The following ELL variants were observed in gnomAD, a reference collection of about 807,000 sequenced individuals.
ELL encodes the protein RNA polymerase II elongation factor ELL.
In ELL, 18 loss-of-function variants were observed where a neutral mutation model predicts 64.0. That is an observed-to-expected ratio of 0.28 (90% CI 0.19 to 0.42). The LOEUF is 0.42. ELL is among the 10% of genes least tolerant of loss of function. The probability of loss-of-function intolerance (pLI) is 1.00; values close to 1 mark genes in which losing one functional copy is unlikely to be tolerated. For missense variants in ELL, 797 were observed against 870.4 expected (o/e 0.92, Z 1.06); for synonymous variants, 399 against 376.2 (o/e 1.06, Z -0.70).
chr19:18,472,788 T>C (rs370335566), intron 2 of ELL, 47 bp downstream of exon 2: 117 of 1,578,432 alleles, frequency 7.4e-5, no homozygotes, highest in African/African-American at 5.8e-4. Context: ...CCTGAGACTA[T>C]ACCAGTCCCA....
chr19:18,499,551 CT>C (rs1350257289), intron 1 of ELL, among the ~76,000 whole-genome samples: 2 of 152,224 alleles, frequency 1.3e-5, no homozygotes, highest in Non-Finnish European at 2.9e-5. Flanking sequence ...CCCCTGTAGA[CT>C]TCCCAGGGTT....
intron 6 of ELL, among the ~76,000 whole-genome samples, chr19:18,457,589 C>T (rs986207881): frequency 2.0e-5 from 3 of 152,224 alleles, no homozygotes; most frequent in Admixed American, 6.5e-5. Context: ...AAATCACTTA[C>T]GGACTAATTA....
intron 4 of ELL, among the ~76,000 whole-genome samples, chr19:18,462,261 G>A (rs1193712555): frequency 2.0e-5 from 3 of 147,460 alleles, no homozygotes; most frequent in African/African-American, 7.6e-5. Flanking sequence ...GTATGTGTGT[G>A]TGAGAAATCA....
intron 1 of ELL, among the ~76,000 whole-genome samples, chr19:18,487,447 G>A (rs550817800): frequency 1.8e-4 from 27 of 152,218 alleles, no homozygotes; most frequent in Non-Finnish European, 3.4e-4. Context: ...CTTAGGATGC[G>A]CACAGATCCC....
At chr19:18,514,341 A>G (rs57923655) in intron 1 of ELL, among the ~76,000 whole-genome samples, 48,291 of 151,148 alleles carry the variant, frequency 0.32, 9,628 homozygotes, top group African/African-American at 0.57. Flanking sequence ...GTGAAACCCC[A>G]TCTCTACTAA....
At chr19:18,446,592 TTA>T in intron 9 of ELL, 112 bp from the exon 10 acceptor site, 5 of 1,498,904 alleles carry the variant, frequency 3.3e-6, no homozygotes. Context: ...ATTCCCTGGA[TTA>T]TGAGGGGGCC....
At position 18,499,172 on chromosome 19, in the gene ELL, G is replaced by A. The variant is rs11672508; in HGVS notation, c.135+22749C>T. On this transcript the variant is annotated intron_variant, in intron 1 of 11. Coordinates refer to ENST00000262809, the MANE Select transcript of ELL (RefSeq NM_006532.4). Reference sequence around the variant, plus strand: ...GCAGCACACTTCACTCATCCCAGCAGGGATGGGAGGGCTCAACAGGAATGA... The same window carrying A: ...GCAGCACACTTCACTCATCCCAGCAAGGATGGGAGGGCTCAACAGGAATGA... Among the ~76,000 whole-genome samples, 1,279 of 152,274 alleles carry A rather than the reference G, an allele frequency of 8.4e-3. 8 individuals carry two copies. The highest frequency in any genetic ancestry group is 0.017 in the Middle Eastern group (5 of 294).
At chr19:18,478,963 C>A (rs1975233637) in intron 1 of ELL, among the ~76,000 whole-genome samples, 1 of 152,200 alleles carries the variant, frequency 6.6e-6, no homozygotes, top group African/African-American at 2.4e-5. Flanking sequence ...AATGCTGAGA[C>A]AGAGGAAAGG....
At chr19:18,446,663 A>G in intron 9 of ELL, 85 bp downstream of exon 9, 1 of 1,552,422 alleles carries the variant, frequency 6.4e-7, no homozygotes, top group Non-Finnish European at 8.8e-7. Flanking sequence ...AGTGGCTTCT[A>G]CCTCTGATAA....
intron 1 of ELL, among the ~76,000 whole-genome samples, chr19:18,517,284 G>T (rs925266182): frequency 6.6e-6 from 1 of 152,056 alleles, no homozygotes; most frequent in Non-Finnish European, 1.5e-5. Context: ...TTGACACAGG[G>T]TCTCCCTCTG....
chr19:18,452,614 G>A (rs925545881), intron 6 of ELL, among the ~76,000 whole-genome samples: 1 of 152,184 alleles, frequency 6.6e-6, no homozygotes, highest in African/African-American at 2.4e-5. Context: ...ACGACCTCAG[G>A]GGACAACAGA....
At chr19:18,468,284 C>T (rs911620171) in intron 2 of ELL, among the ~76,000 whole-genome samples, 1 of 152,094 alleles carries the variant, frequency 6.6e-6, no homozygotes. Flanking sequence ...CTCCCACACA[C>T]AAACAACCAC....
chr19:18,496,872 T>C (rs1220141524), intron 1 of ELL, among the ~76,000 whole-genome samples: 1 of 152,242 alleles, frequency 6.6e-6, no homozygotes, highest in African/African-American at 2.4e-5. Context: ...CACATGCTTA[T>C]TAGAATGCCC....
chr19:18,444,656 T>C lies in ELL; in HGVS notation c.*96A>G. On this transcript the variant is annotated 3_prime_UTR_variant, in exon 12 of 12. Transcript: ENST00000262809. Reference sequence around the variant, plus strand: ...TGAAAGCCGGCGGTGCTGGCTCAGATGAGCATCTTCCTCGGGTTTATTTTT... The same window carrying C: ...TGAAAGCCGGCGGTGCTGGCTCAGACGAGCATCTTCCTCGGGTTTATTTTT... The C allele has an allele frequency of 1.5e-6, 2 of 1,347,378 alleles. No individual in the cohort carries two copies. Among genetic ancestry groups the C allele is most frequent in the Non-Finnish European group, 2.0e-6 (2 of 989,728 alleles). The allele number at this position is 1,347,378 out of a possible 1,614,324, so 83.5% of individuals were successfully genotyped here.
chr19:18,448,105 T>A (rs1013433797), intron 8 of ELL, among the ~76,000 whole-genome samples: 3 of 151,318 alleles, frequency 2.0e-5, no homozygotes, highest in South Asian at 4.2e-4. Flanking sequence ...TTTTTTTTTT[T>A]ACTTTTTAGT....
At chr19:18,451,066 C>T (rs867162878) in intron 7 of ELL, 91 bp from the exon 8 acceptor site, 6 of 1,403,332 alleles carry the variant, frequency 4.3e-6, no homozygotes, top group South Asian at 1.8e-5. Context: ...AACCCAACGC[C>T]GCCTGCAAGG....
chr19:18,501,466 A>T lies in ELL; in HGVS notation c.135+20455T>A, dbSNP rs755799600. On this transcript the variant is annotated intron_variant, in intron 1 of 11. Coordinates refer to ENST00000262809, the MANE Select transcript of ELL (RefSeq NM_006532.4). The surrounding 1 kb of genome is among the most constrained non-coding windows in gnomAD (Gnocchi z 4.5). ...TGAGGCGGACCCTCCAACGTGCCTC[A>T]CACTTCAAGGCAGCTCTTCCAGGCC... 5.9e-5 allele frequency among the ~76,000 whole-genome samples: 9 copies of T among 152,228 alleles called. No individual in the cohort carries two copies. The highest frequency in any genetic ancestry group is 1.0e-4 in the Non-Finnish European group (7 of 68,040).
intron 6 of ELL, among the ~76,000 whole-genome samples, chr19:18,455,285 G>C (rs1974641019): frequency 6.6e-6 from 1 of 151,750 alleles, no homozygotes; most frequent in African/African-American, 2.4e-5. Context: ...GAGGTCAGGA[G>C]TTCCAGACCA....
At chr19:18,494,173 G>A (rs1975594741) in intron 1 of ELL, among the ~76,000 whole-genome samples, 1 of 151,834 alleles carries the variant, frequency 6.6e-6, no homozygotes, top group Non-Finnish European at 1.5e-5. Flanking sequence ...GTTATAGTGA[G>A]CTGTGATCAA....
Sources: allele counts gnomAD v4.1 joint callset (sites outside exome capture counted in the v4.1 genomes callset), GRCh38; gene constraint gnomAD v4.1.1; non-coding constraint Gnocchi (gnomAD v3.1); transcripts MANE v1.5; gene names NCBI Gene and HGNC (gene_info 2026-07-23, HGNC 2026-07-21).